CTCF: variants seen among roughly 807,000 people sequenced by gnomAD.
CTCF encodes transcriptional repressor CTCF.
CTCF carries 7 observed loss-of-function variants against 72.3 expected under a neutral mutation model. The ratio of observed to expected loss-of-function variants is 0.10; its 90% CI spans 0.06 to 0.18. The LOEUF is 0.18. Ranked by LOEUF, CTCF falls within the 10% of genes least tolerant of loss-of-function variation. The pLI, the probability that CTCF is intolerant of heterozygous loss-of-function variation, is 1.00. For synonymous variants in CTCF, 374 were observed against 315.8 expected, an observed-to-expected ratio of 1.18 and a Z score of -1.95; for missense variants, 516 against 949.1, an observed-to-expected ratio of 0.54 and a Z score of 6.00.
rs569375245 is a variant in CTCF at position 67,562,641 on chromosome 16, A to C, written c.-210A>C. 4.6e-5 allele frequency: 7 copies of C among 152,584 alleles called. No homozygotes were observed. Among genetic ancestry groups the C allele is most frequent in the Non-Finnish European group, 1.0e-4 (7 of 68,566 alleles). The allele number at this position is 152,584 out of a possible 1,614,324, so 9.5% of individuals were successfully genotyped here. On this transcript the variant is annotated 5_prime_UTR_variant, in exon 1 of 12. Coordinates refer to ENST00000264010, the MANE Select transcript of CTCF (RefSeq NM_006565.4). ...GCGGCGGCGGCGGTGGCCGGTGCGGACGCGCGGAGCTCGCCGGAGACGCCG... is the reference window on the plus strand; with the variant it reads ...GCGGCGGCGGCGGTGGCCGGTGCGGCCGCGCGGAGCTCGCCGGAGACGCCG...
chr16:67,631,378 T>G (rs1293122289), intron 10 of CTCF, among the ~76,000 whole-genome samples: 21 of 152,074 alleles, frequency 1.4e-4, no homozygotes. Flanking sequence ...TTGGCCAGGC[T>G]GGTCCAGAAC....
chr16:67,636,894 A>T (rs773567483), intron 11 of CTCF, 43 bp downstream of exon 11: 2 of 1,436,776 alleles, frequency 1.4e-6, no homozygotes, highest in Non-Finnish European at 1.8e-6. Flanking sequence ...GTCTTCTCCG[A>T]GCATGTGGGG....
intron 1 of CTCF, chr16:67,563,148 TC>T (rs2051300209): frequency 6.6e-6 from 1 of 152,080 alleles, no homozygotes; most frequent in African/African-American, 2.4e-5. Context: ...TATCTCCGCG[TC>T]CCGGCTTCGG....
At chr16:67,572,463 TG>T (rs2051436166) in intron 2 of CTCF, 1 of 152,212 alleles carries the variant, frequency 6.6e-6, no homozygotes, top group African/African-American at 2.4e-5. Flanking sequence ...TTTCTCAAAC[TG>T]GGATATGAAT....
chr16:67,614,018 G>GCATTT (rs1285825897), intron 4 of CTCF, among the ~76,000 whole-genome samples: 1 of 152,086 alleles, frequency 6.6e-6, no homozygotes, highest in East Asian at 1.9e-4. Context: ...AGATGCAGTT[G>GCATTT]CATTGCATTC....
In CTCF at chr16:67,636,709, G is replaced by C; in HGVS notation, c.1857G>C (p.Leu619=). The C allele has an allele frequency of 6.2e-7, 1 of 1,607,202 alleles. No homozygotes were observed. Among genetic ancestry groups the C allele is most frequent in the South Asian group, 1.1e-5 (1 of 89,460 alleles). The part of the protein sequence containing the change: ...SSDSENAEPD[L]DDNEDEEEPA... ...GAAAAGAAAATGCTGAACCAGATCT[G>C]GACGACAATGAGGATGAGGAGGAGC... Residue 619 remains leucine, a synonymous_variant, in exon 11 of 12, where the codon CTG becomes CTC. Transcript: ENST00000264010.
intron 2 of CTCF, among the ~76,000 whole-genome samples, chr16:67,586,887 G>C (rs1486773835): frequency 6.6e-6 from 1 of 151,846 alleles, no homozygotes; most frequent in Non-Finnish European, 1.5e-5. Context: ...TCTGGCTCCT[G>C]GGCGCCTGCA....
At chr16:67,631,931 AG>A (rs1426851175) in intron 10 of CTCF, among the ~76,000 whole-genome samples, 3 of 151,560 alleles carry the variant, frequency 2.0e-5, no homozygotes, top group Non-Finnish European at 4.4e-5. Context: ...AAAAATCAGC[AG>A]GGGGTTGTGG....
intron 2 of CTCF, among the ~76,000 whole-genome samples, chr16:67,572,762 A>G (rs572088298): frequency 6.6e-6 from 1 of 152,174 alleles, no homozygotes; most frequent in East Asian, 1.9e-4. Context: ...CAACATGGTA[A>G]AACCCCATCT....
intron 2 of CTCF, among the ~76,000 whole-genome samples, chr16:67,577,870 CAG>C (rs2051521209): frequency 6.6e-6 from 1 of 152,158 alleles, no homozygotes; most frequent in South Asian, 2.1e-4. Flanking sequence ...ATTGAGGTTG[CAG>C]AGGCAGTTCT....
At chr16:67,575,604 A>G (rs1209123077) in intron 2 of CTCF, among the ~76,000 whole-genome samples, 1 of 152,052 alleles carries the variant, frequency 6.6e-6, no homozygotes, top group East Asian at 1.9e-4. Context: ...CACCATGTCT[A>G]GCTAATTTTT....
chr16:67,599,081 A>AGTGGCTGAAGTGGCCGGGTGCG (rs1408560048), intron 2 of CTCF, among the ~76,000 whole-genome samples: 1 of 152,176 alleles, frequency 6.6e-6, no homozygotes, highest in Non-Finnish European at 1.5e-5. Flanking sequence ...CTAGCTAAGA[A>AGTGGCTGAAGTGGCCGGGTGCG]GTGGCTGAAG....
intron 2 of CTCF, among the ~76,000 whole-genome samples, chr16:67,578,597 T>C (rs2051537009): frequency 6.6e-6 from 1 of 150,950 alleles, no homozygotes; most frequent in Non-Finnish European, 1.5e-5. Context: ...CCTCCCAAAT[T>C]GCTGTGATTA....
chr16:67,576,556 T>G (rs1274694002), intron 2 of CTCF, among the ~76,000 whole-genome samples: 5 of 147,452 alleles, frequency 3.4e-5, no homozygotes, highest in East Asian at 2.0e-4. Flanking sequence ...GAATGTTTTT[T>G]TTTTTTTTTT....
At position 67,610,872 on chromosome 16, in the gene CTCF, G is replaced by A. The variant is rs1402646118; in HGVS notation, c.40G>A (p.Glu14Lys). ...DAVEAIVEES[E>K]TFIKGKERKT... The stretch of plus-strand genomic sequence containing the variant: ...AGTCGAAGCCATTGTGGAGGAGTCC[G>A]AAACTTTTATTAAAGGAAAGGAGAG... Residue 14 changes from glutamate to lysine, a missense_variant, in exon 3 of 12, where the codon GAA (glutamate) becomes AAA (lysine). Physicochemically the swap from Glu to Lys is moderately conservative, Grantham distance 56. Coordinates refer to ENST00000264010, the MANE Select transcript of CTCF (RefSeq NM_006565.4). 3 of 1,503,144 alleles carry A rather than the reference G, an allele frequency of 2.0e-6. No homozygotes were observed. The highest frequency in any genetic ancestry group is 1.4e-5 in the South Asian group (1 of 70,190). The allele number at this position is 1,503,144 out of a possible 1,614,324, so 93.1% of individuals were successfully genotyped here. A position where few individuals can be genotyped will look rare whatever the true frequency, so the allele number is the denominator to read the frequency against.
At chr16:67,637,384 T>C (rs1014493922) in intron 11 of CTCF, among the ~76,000 whole-genome samples, 10 of 151,976 alleles carry the variant, frequency 6.6e-5, no homozygotes, top group Admixed American at 3.9e-4. Context: ...ATACAAAAAT[T>C]AGCCAGGCGT....
intron 1 of CTCF, among the ~76,000 whole-genome samples, chr16:67,563,015 T>TC (rs1481962066): frequency 6.8e-6 from 1 of 148,048 alleles, no homozygotes; most frequent in African/African-American, 2.5e-5. Flanking sequence ...GCCCGGCGAC[T>TC]CCATTTTCCT....
chr16:67,583,564 A>G (rs759147574), intron 2 of CTCF, among the ~76,000 whole-genome samples: 15 of 151,892 alleles, frequency 9.9e-5, no homozygotes, highest in Non-Finnish European at 1.9e-4. Context: ...GGGCATGCCT[A>G]TAATCTCAGC....
At chr16:67,636,569 GTATATA>G (rs66893507) in intron 10 of CTCF, 115 bp from the exon 11 acceptor site, 10 of 243,686 alleles carry the variant, frequency 4.1e-5, no homozygotes, top group East Asian at 1.9e-4. Flanking sequence ...GAAAGAAAGT[GTATATA>G]TATATATATA....
Sources: allele counts gnomAD v4.1 joint callset (sites outside exome capture counted in the v4.1 genomes callset), GRCh38; gene constraint gnomAD v4.1.1; transcripts MANE v1.5; gene names NCBI Gene and HGNC (gene_info 2026-07-23, HGNC 2026-07-21).